The following CAB39 variants were observed in gnomAD, a reference collection of about 807,000 sequenced individuals.
The protein encoded by CAB39 is calcium binding protein 39, also known as calcium-binding protein 39.
Under a neutral mutation model 40.0 loss-of-function variants are expected in CAB39, and 8 were observed. The observed-to-expected ratio is 0.20, with a 90% CI of 0.12 to 0.36. CAB39 has a LOEUF of 0.36. Among genes scored for constraint, CAB39 ranks in the 10% least tolerant of loss-of-function variants. The pLI, the probability that CAB39 is intolerant of heterozygous loss-of-function variation, is 1.00. For synonymous variants in CAB39, 156 were observed against 141.6 expected (o/e 1.10, Z -0.72); for missense variants, 270 against 401.1 (o/e 0.67, Z 2.79).
intron 1 of CAB39, among the ~76,000 whole-genome samples, chr2:230,750,721 C>A (rs1695071386): frequency 6.6e-6 from 1 of 152,170 alleles, no homozygotes; most frequent in African/African-American, 2.4e-5. Flanking sequence ...TTAAATAGAA[C>A]AATAAGGTCA....
At chr2:230,751,108 T>C (rs1695078039) in intron 1 of CAB39, among the ~76,000 whole-genome samples, 1 of 152,242 alleles carries the variant, frequency 6.6e-6, no homozygotes, top group Non-Finnish European at 1.5e-5. Flanking sequence ...TTCATGCATG[T>C]ACTACATTTC....
At position 230,818,782 on chromosome 2, in the gene CAB39, C is replaced by A; in HGVS notation, c.*78C>A. The A allele has an allele frequency of 1.8e-6, 2 of 1,093,716 alleles. No homozygotes were observed. Among genetic ancestry groups the A allele is most frequent in the African/African-American group, 1.6e-5 (1 of 63,510 alleles). The allele number at this position is 1,093,716 out of a possible 1,614,324, so 67.8% of individuals were successfully genotyped here. A position where few individuals can be genotyped will look rare whatever the true frequency, so the allele number is the denominator to read the frequency against. ...TCAGCATCAGGCACTCTTATTGATT[C>A]ATGAGGAACATTACTGCTAATCTGC... On this transcript the variant is annotated 3_prime_UTR_variant, in exon 9 of 9. Coordinates refer to ENST00000258418, the MANE Select transcript of CAB39 (RefSeq NM_016289.4).
chr2:230,719,568 A>C (rs1185508160), intron 1 of CAB39, among the ~76,000 whole-genome samples: 1 of 152,228 alleles, frequency 6.6e-6, no homozygotes. Flanking sequence ...TAGTTAGGCC[A>C]GTAGATAGTA....
At chr2:230,815,215 G>A (rs1360402413) in intron 7 of CAB39, among the ~76,000 whole-genome samples, 3 of 152,242 alleles carry the variant, frequency 2.0e-5, no homozygotes, top group Non-Finnish European at 4.4e-5. Context: ...TCCTGCAGCA[G>A]GGCATCCGTG....
chr2:230,770,758 T>G (rs1161747179), intron 2 of CAB39, among the ~76,000 whole-genome samples: 1 of 152,142 alleles, frequency 6.6e-6, no homozygotes, highest in Non-Finnish European at 1.5e-5. Context: ...AGTATAACAT[T>G]ACAAAGTTAA....
intron 1 of CAB39, among the ~76,000 whole-genome samples, chr2:230,743,756 T>G (rs1694924298): frequency 6.6e-6 from 1 of 152,122 alleles, no homozygotes; most frequent in Admixed American, 6.5e-5. Flanking sequence ...ATTTGAAAAC[T>G]GCTGATTGGG....
intron 5 of CAB39, among the ~76,000 whole-genome samples, chr2:230,800,524 A>C (rs1243633658): frequency 6.6e-6 from 1 of 152,268 alleles, no homozygotes; most frequent in African/African-American, 2.4e-5. Flanking sequence ...GCTAGGACTC[A>C]TGCTTATAAT....
At chr2:230,774,788 A>C (rs1029462664) in intron 2 of CAB39, among the ~76,000 whole-genome samples, 4 of 152,030 alleles carry the variant, frequency 2.6e-5, no homozygotes, top group Non-Finnish European at 5.9e-5. Flanking sequence ...AATCTTGGAC[A>C]CCAGAAGGTT....
chr2:230,814,002 TTTTTTTTTTTGG>T, intron 6 of CAB39, 35 bp from the exon 7 acceptor site: 1 of 457,962 alleles, frequency 2.2e-6, no homozygotes, highest in Non-Finnish European at 3.9e-6. Flanking sequence ...TTTTTTTTTT[TTTTTTTTTTTGG>T]CAATAACCCT....
chr2:230,753,645 G>T (rs1170520185), intron 1 of CAB39, among the ~76,000 whole-genome samples: 1 of 151,576 alleles, frequency 6.6e-6, no homozygotes, highest in Admixed American at 6.6e-5. Flanking sequence ...TACTGGGGAG[G>T]CTGAGGCAGA....
chr2:230,776,751 C>T (rs1451428946), intron 2 of CAB39, among the ~76,000 whole-genome samples: 1 of 151,800 alleles, frequency 6.6e-6, no homozygotes, highest in Non-Finnish European at 1.5e-5. Context: ...CATGCGGTGG[C>T]ACGATCTCGG....
chr2:230,803,539 A>T (rs1261786284), intron 5 of CAB39, among the ~76,000 whole-genome samples: 1 of 152,244 alleles, frequency 6.6e-6, no homozygotes, highest in African/African-American at 2.4e-5. Flanking sequence ...CCTTAAGCTG[A>T]TAAGCAACTT....
Position 230,761,867 on chromosome 2 carries a change from CTGTTTTTTGTT to C in CAB39, c.114+1761_114+1771del, listed in dbSNP as rs1359741958. Among the ~76,000 whole-genome samples, 4 of 149,198 alleles carry C rather than the reference CTGTTTTTTGTT, an allele frequency of 2.7e-5. No homozygotes were observed. In the East Asian group the frequency reaches 7.8e-4, roughly 29 times the overall value. On this transcript the variant is annotated intron_variant, in intron 2 of 8. Transcript: ENST00000258418. ...ACTTCCTTGGGTAAGGTAAGTGGTA[CTGTTTTTTGTT>C]TGTTTTTTATTTGTTGTTGTTGTTG... is the stretch of plus-strand genomic sequence containing the variant.
intron 4 of CAB39, among the ~76,000 whole-genome samples, chr2:230,795,884 C>G (rs908519863): frequency 6.6e-6 from 1 of 151,962 alleles, no homozygotes; most frequent in Admixed American, 6.6e-5. Context: ...TGGCCACTTC[C>G]TTAGATAAGT....
intron 6 of CAB39, 106 bp from the exon 7 acceptor site, chr2:230,813,943 T>C (rs995089907): frequency 5.2e-6 from 3 of 582,286 alleles, no homozygotes; most frequent in Non-Finnish European, 8.8e-6. Context: ...GTGAGAAATG[T>C]GTCCTTAAGC....
rs200563553 is a variant in CAB39, at chr2:230,727,266, G to A, written c.-44+14036G>A. ...ATAAATTGGAAGCGGGTACCCTTAT[G>A]GAAGCTAAAAGGGAGGGGCGGGGGA... On this transcript the variant is annotated intron_variant, in intron 1 of 8. Coordinates refer to ENST00000258418, the MANE Select transcript of CAB39 (RefSeq NM_016289.4). Among the ~76,000 whole-genome samples the A allele has an allele frequency of 6.1e-5, 9 of 147,272 alleles. No homozygotes were observed. In the East Asian group the frequency reaches 1.9e-3, roughly 31 times the overall value.
chr2:230,797,527 G>C (rs1473374014), intron 4 of CAB39, among the ~76,000 whole-genome samples: 1 of 151,592 alleles, frequency 6.6e-6, no homozygotes, highest in Admixed American at 6.6e-5. Flanking sequence ...GAAGCAGGGG[G>C]GTGGGGGTGA....
intron 1 of CAB39, among the ~76,000 whole-genome samples, chr2:230,736,784 A>T (rs538905268): frequency 2.0e-5 from 3 of 152,102 alleles, no homozygotes; most frequent in Non-Finnish European, 4.4e-5. Context: ...ACCTGAGTTC[A>T]AGTTTAAGGT....
At chr2:230,809,221 C>T (rs1696260447) in intron 5 of CAB39, among the ~76,000 whole-genome samples, 1 of 152,130 alleles carries the variant, frequency 6.6e-6, no homozygotes, top group Non-Finnish European at 1.5e-5. Flanking sequence ...TGAGCTGTGG[C>T]ACTTCCCTCG....
Sources: allele counts gnomAD v4.1 joint callset (sites outside exome capture counted in the v4.1 genomes callset), GRCh38; gene constraint gnomAD v4.1.1; transcripts MANE v1.5; gene names NCBI Gene and HGNC (gene_info 2026-07-23, HGNC 2026-07-21).